TMC2: variants seen among roughly 807,000 people sequenced by gnomAD.
The protein encoded by TMC2 is transmembrane channel like 2.
In TMC2, 102 loss-of-function variants were observed where a neutral mutation model predicts 105.9. The ratio of observed to expected loss-of-function variants is 0.96; its 90% CI spans 0.82 to 1.14. The LOEUF is 1.14. TMC2 is among the 50% of genes most tolerant of loss of function. The pLI, the probability that TMC2 is intolerant of heterozygous loss-of-function variation, is 0.00. For synonymous variants in TMC2, 402 were observed against 422.8 expected (o/e 0.95, Z 0.60); for missense variants, 1,093 against 1,134.3 (o/e 0.96, Z 0.52).
chr20:2,591,641 G>A (rs2086269221), intron 7 of TMC2, among the ~76,000 whole-genome samples: 1 of 152,022 alleles, frequency 6.6e-6, no homozygotes. Flanking sequence ...GGAGGCAGAA[G>A]TTATTGCAAT....
chr20:2,627,365 T>G (rs1600139810), intron 17 of TMC2, among the ~76,000 whole-genome samples: 1 of 152,256 alleles, frequency 6.6e-6, no homozygotes, highest in Non-Finnish European at 1.5e-5. Flanking sequence ...GGTGTCATTT[T>G]CTTCTGGGCT....
intron 19 of TMC2, among the ~76,000 whole-genome samples, chr20:2,639,729 T>C (rs1426687540): frequency 6.6e-6 from 1 of 152,192 alleles, no homozygotes; most frequent in Non-Finnish European, 1.5e-5. Flanking sequence ...CAGGAAAGTA[T>C]CTTGGGGCTA....
At chr20:2,634,337 G>A (rs949242151) in intron 17 of TMC2, among the ~76,000 whole-genome samples, 2 of 152,190 alleles carry the variant, frequency 1.3e-5, no homozygotes, top group African/African-American at 4.8e-5. Context: ...AGGACCCTAA[G>A]GGGGCCAGAG....
chr20:2,616,102 TCTC>T lies in TMC2; in HGVS notation c.1873-34_1873-32del. ...AATTCACCAAACGTGCTTTTTTTTT[TCTC>T]TCTCTCTCTCGCTCCCTCCCTCCCT... On this transcript the variant is annotated intron_variant, in intron 14 of 19. Transcript: ENST00000358864. This position sits in a 1 kb window ranked among gnomAD's most constrained non-coding sequence, Gnocchi z 4.8. 7 of 1,141,504 alleles carry T rather than the reference TCTC, an allele frequency of 6.1e-6. No homozygotes were observed. Among genetic ancestry groups the T allele is most frequent in the African/African-American group, 1.6e-5 (1 of 64,098 alleles). 70.7% of individuals were successfully genotyped at this position (1,141,504 alleles called of 1,614,324 possible).
rs550405855 is a variant in TMC2 at position 2,629,597 on chromosome 20, G to A, written c.2306+5201G>A. On this transcript the variant is annotated intron_variant, in intron 17 of 19. Coordinates refer to ENST00000358864, the MANE Select transcript of TMC2 (RefSeq NM_080751.3). ...TTTAGGGCCATTACTAGCCCATATA[G>A]TACCTTGTGCAAATTTTTTAAAGGT... Among the ~76,000 whole-genome samples the A allele has an allele frequency of 1.3e-4, 19 of 147,968 alleles. No homozygotes were observed. In the East Asian group the frequency reaches 2.8e-3, roughly 22 times the overall value.
chr20:2,543,133 AG>A (rs1286247855), intron 2 of TMC2, among the ~76,000 whole-genome samples: 1 of 152,044 alleles, frequency 6.6e-6, no homozygotes, highest in African/African-American at 2.4e-5. Flanking sequence ...GCTACTCAGG[AG>A]GCTGAGGCAG....
At chr20:2,587,901 T>C (rs531575131) in intron 7 of TMC2, among the ~76,000 whole-genome samples, 3 of 152,138 alleles carry the variant, frequency 2.0e-5, no homozygotes, top group Non-Finnish European at 2.9e-5. Flanking sequence ...TTTCCCAATC[T>C]CCCCAATTCC....
At chr20:2,541,977 C>T (rs573733306) in intron 2 of TMC2, among the ~76,000 whole-genome samples, 2 of 152,184 alleles carry the variant, frequency 1.3e-5, no homozygotes, top group South Asian at 4.1e-4. Context: ...GTGTCCTCCC[C>T]CATATTGATA....
intron 14 of TMC2, among the ~76,000 whole-genome samples, chr20:2,615,754 T>C (rs1291923249): frequency 2.0e-5 from 3 of 152,240 alleles, no homozygotes; most frequent in Non-Finnish European, 4.4e-5. Context: ...TTTCATTATT[T>C]ATTAGATTTC....
intron 2 of TMC2, among the ~76,000 whole-genome samples, chr20:2,548,274 T>TA (rs1171475000): frequency 6.6e-6 from 1 of 152,198 alleles, no homozygotes; most frequent in Non-Finnish European, 1.5e-5. Context: ...TGGCATGTTT[T>TA]AAAAAAAGAA....
Position 2,641,909 on chromosome 20 carries a change from T to C in TMC2, c.*558T>C, listed in dbSNP as rs2422813. ...GAGTTCAAGACCAGCCCGGGCAATG[T>C]GGCGAAACCCCATCCCTACAAAAAA... On this transcript the variant is annotated 3_prime_UTR_variant, in exon 20 of 20. Coordinates refer to ENST00000358864, the MANE Select transcript of TMC2 (RefSeq NM_080751.3). The C allele has an allele frequency of 0.62, 94,115 of 152,888 alleles. 29,372 individuals are homozygous for C. The highest frequency in any genetic ancestry group is 0.86 in the East Asian group (4,429 of 5,174). 9.5% of individuals were successfully genotyped at this position (152,888 alleles called of 1,614,324 possible). A position where few individuals can be genotyped will look rare whatever the true frequency, so the allele number is the denominator to read the frequency against.
chr20:2,628,873 C>A (rs529090234), intron 17 of TMC2, among the ~76,000 whole-genome samples: 1 of 152,132 alleles, frequency 6.6e-6, no homozygotes, highest in Non-Finnish European at 1.5e-5. Flanking sequence ...GAGGCCGAGG[C>A]GGGCAGATCA....
intron 17 of TMC2, among the ~76,000 whole-genome samples, chr20:2,628,167 CA>C (rs34201766): frequency 0.016 from 1,889 of 114,536 alleles, 21 homozygotes; most frequent in African/African-American, 0.048. Flanking sequence ...GACTCTGTCT[CA>C]AAAAAAAAAA....
At position 2,597,291 on chromosome 20, in the gene TMC2, G is replaced by A; in HGVS notation, c.1217G>A (p.Ser406Asn). Residue 406 changes from serine to asparagine, a missense_variant, in exon 10 of 20, where the codon AGC becomes AAC. By Grantham distance (46) the Ser-to-Asn change is conservative (BLOSUM62 1). Transcript: ENST00000358864. ...ADNKYASITT[S>N]FKESIVDEQE... ...AACAAATATGCATCCATCACCACCA[G>A]CTTCAAGGTAGTCACCCCAGGGCAG... The A allele has an allele frequency of 6.2e-7, 1 of 1,613,734 alleles. No homozygotes were observed. The highest frequency in any genetic ancestry group is 8.5e-7 in the Non-Finnish European group (1 of 1,179,782).
At chr20:2,596,893 G>A (rs375960555) in intron 9 of TMC2, among the ~76,000 whole-genome samples, 32 of 152,094 alleles carry the variant, frequency 2.1e-4, no homozygotes, top group African/African-American at 6.5e-4. Context: ...ACATGGTCAC[G>A]TGTCTTGTCT....
At chr20:2,613,699 G>T in intron 14 of TMC2, 1 of 328,656 alleles carries the variant, frequency 3.0e-6, no homozygotes, top group South Asian at 2.5e-5. Flanking sequence ...AGGAAGTCCT[G>T]GAACACACCA....
At chr20:2,594,751 G>A in intron 8 of TMC2, 74 bp from the exon 9 acceptor site, 1 of 1,483,858 alleles carries the variant, frequency 6.7e-7, no homozygotes, top group Non-Finnish European at 9.2e-7. Flanking sequence ...GAAATCCCTG[G>A]TAGAGTAGAC....
rs2086427777 is a variant in TMC2 at position 2,610,455 on chromosome 20, C to T, written c.1450C>T (p.Pro484Ser). The T allele has an allele frequency of 1.2e-6, 2 of 1,612,934 alleles. No homozygotes were observed. Among genetic ancestry groups the T allele is most frequent in the Non-Finnish European group, 1.7e-6 (2 of 1,179,436 alleles). The change falls in exon 12 of 20, where the codon CCC becomes TCC. Residue 484 changes from proline (P) to serine (S), a missense_variant. Physicochemically the swap from Pro to Ser is moderately conservative, Grantham distance 74. Transcript: ENST00000358864. ...IVMSLLGMFC[P>S]PLFETIAALE... ...GATGTCCCTGCTTGGAATGTTTTGT[C>T]CCCCTCTGTTTGAAACCATCGCTGC...
intron 17 of TMC2, 85 bp downstream of exon 17, chr20:2,624,481 C>G: frequency 6.8e-7 from 1 of 1,479,030 alleles, no homozygotes. Flanking sequence ...TTTCATCTTG[C>G]CTTCTTAGTC....
Sources: allele counts gnomAD v4.1 joint callset (sites outside exome capture counted in the v4.1 genomes callset), GRCh38; gene constraint gnomAD v4.1.1; non-coding constraint Gnocchi (gnomAD v3.1); transcripts MANE v1.5; gene names NCBI Gene and HGNC (gene_info 2026-07-23, HGNC 2026-07-21).